Variants in PPP3CA observed in about 807,000 individuals in gnomAD.
PPP3CA encodes the protein CAM-PRP catalytic subunit.
Under a neutral mutation model 66.5 loss-of-function variants are expected in PPP3CA, and 14 were observed. The ratio of observed to expected loss-of-function variants is 0.21; its 90% confidence interval spans 0.14 to 0.33. The LOEUF is 0.33. PPP3CA is among the 10% of genes least tolerant of loss of function. The probability of loss-of-function intolerance (pLI) is 1.00; values close to 1 mark genes in which losing one functional copy is unlikely to be tolerated. For synonymous variants in PPP3CA, 232 were observed against 226.2 expected, an observed-to-expected ratio of 1.03 and a Z score of -0.23; for missense variants, 317 against 639.5, an observed-to-expected ratio of 0.50 and a Z score of 5.44.
chr4:101,107,732 T>G (rs902344452), intron 3 of PPP3CA, among the ~76,000 whole-genome samples: 4 of 152,196 alleles, frequency 2.6e-5, no homozygotes, highest in African/African-American at 4.8e-5. Context: ...AAGGATGACA[T>G]GCTTTTCAAC....
chr4:101,037,665 C>T (rs568603762), intron 11 of PPP3CA, among the ~76,000 whole-genome samples: 4 of 152,054 alleles, frequency 2.6e-5, no homozygotes, highest in South Asian at 4.1e-4. Flanking sequence ...CCAATCTTCA[C>T]GTTGCAATTA....
chr4:101,205,022 C>G lies in PPP3CA; in HGVS notation c.59-8906G>C, dbSNP rs186247297. 4.3e-3 allele frequency among the ~76,000 whole-genome samples: 644 copies of G among 150,656 alleles called. 2 individuals carry two copies. Among genetic ancestry groups the G allele is most frequent in the Non-Finnish European group, 6.4e-3 (433 of 67,762 alleles). On this transcript the variant is annotated intron_variant, in intron 1 of 13. Coordinates refer to ENST00000394854, the MANE Select transcript of PPP3CA (RefSeq NM_000944.5). ...ATATTTTCAGCAAATGATATTTACA[C>G]TAATCCCCAGAATAGCAAACTAAAG...
At chr4:101,324,741 G>A (rs1242989579) in intron 1 of PPP3CA, among the ~76,000 whole-genome samples, 2 of 151,328 alleles carry the variant, frequency 1.3e-5, no homozygotes, top group African/African-American at 4.8e-5. Context: ...ATTCCCTACT[G>A]CCAAGTGAGG....
Position 101,346,903 on chromosome 4 carries a change from G to GCCGCCGCCGCCGC in PPP3CA, c.-108_-107insGCGGCGGCGGCGG. The stretch of plus-strand genomic sequence containing the variant: ...CGCCGCCGCCGCCGCCGCCGCCGCC[G>GCCGCCGCCGCCGC]CGCTGCAAACCGCTCGGCTGGAGGT... On this transcript the variant is annotated 5_prime_UTR_variant, in exon 1 of 14. Coordinates refer to ENST00000394854, the MANE Select transcript of PPP3CA (RefSeq NM_000944.5). The GCCGCCGCCGCCGC allele has an allele frequency of 1.5e-6, 2 of 1,366,768 alleles. No individual in the cohort carries two copies. Among genetic ancestry groups the GCCGCCGCCGCCGC allele is most frequent in the Non-Finnish European group, 1.0e-6 (1 of 987,548 alleles). 84.7% of individuals were successfully genotyped at this position (1,366,768 alleles called of 1,614,324 possible).
intron 2 of PPP3CA, among the ~76,000 whole-genome samples, chr4:101,192,378 C>T (rs1313118584): frequency 1.3e-5 from 2 of 152,088 alleles, no homozygotes; most frequent in East Asian, 3.9e-4. Flanking sequence ...ACTATTCCAG[C>T]CACAAACATG....
At chr4:101,246,272 G>C (rs2110239049) in intron 1 of PPP3CA, among the ~76,000 whole-genome samples, 1 of 152,318 alleles carries the variant, frequency 6.6e-6, no homozygotes, top group South Asian at 2.1e-4. Context: ...TATAGAGTGA[G>C]ATATCAACTA....
chr4:101,152,679 C>T (rs527702082), intron 2 of PPP3CA, among the ~76,000 whole-genome samples: 34 of 152,232 alleles, frequency 2.2e-4, no homozygotes, highest in African/African-American at 3.6e-4. Flanking sequence ...TCCTTATCAA[C>T]CAATCAACCA....
At chr4:101,037,415 G>A (rs185646808) in intron 11 of PPP3CA, among the ~76,000 whole-genome samples, 172 of 152,232 alleles carry the variant, frequency 1.1e-3, no homozygotes, top group African/African-American at 4.0e-3. Flanking sequence ...TTTCCAAAAC[G>A]TAAGAAACAT....
intron 2 of PPP3CA, among the ~76,000 whole-genome samples, chr4:101,186,913 A>T (rs2048072): frequency 0.61 from 92,976 of 152,040 alleles, 29,071 homozygotes; most frequent in African/African-American, 0.72. Context: ...ATAGTAACAG[A>T]TACAGCAATA....
intron 1 of PPP3CA, among the ~76,000 whole-genome samples, chr4:101,237,985 A>G (rs1403529128): frequency 6.6e-6 from 1 of 152,006 alleles, no homozygotes; most frequent in African/African-American, 2.4e-5. Context: ...TACCGCATCA[A>G]AGTTCAACTC....
intron 11 of PPP3CA, among the ~76,000 whole-genome samples, chr4:101,034,726 T>G (rs1161647464): frequency 6.6e-6 from 1 of 152,210 alleles, no homozygotes; most frequent in Non-Finnish European, 1.5e-5. Context: ...AATAATAGGT[T>G]TGAGATAATT....
chr4:101,060,592 T>C (rs903541039), intron 10 of PPP3CA, among the ~76,000 whole-genome samples: 2 of 152,158 alleles, frequency 1.3e-5, no homozygotes. Flanking sequence ...TCACAGTTTA[T>C]TCATTACCTA....
chr4:101,047,624 T>C (rs184266217), intron 10 of PPP3CA, among the ~76,000 whole-genome samples: 2 of 152,210 alleles, frequency 1.3e-5, no homozygotes, highest in Admixed American at 6.5e-5. Flanking sequence ...CTTTAAAATA[T>C]ATACATGTTT....
chr4:101,107,155 C>A (rs1254695092), intron 3 of PPP3CA, among the ~76,000 whole-genome samples: 4 of 152,226 alleles, frequency 2.6e-5, no homozygotes, highest in Non-Finnish European at 4.4e-5. Flanking sequence ...TCCTTCCTAG[C>A]TAAAACTTAC....
chr4:101,160,500 T>G (rs188418094), intron 2 of PPP3CA, among the ~76,000 whole-genome samples: 1 of 152,278 alleles, frequency 6.6e-6, no homozygotes, highest in East Asian at 1.9e-4. Flanking sequence ...TCATGGTAAA[T>G]GCACAGAGTG....
At chr4:101,131,237 A>AAAAT (rs140632196) in intron 2 of PPP3CA, among the ~76,000 whole-genome samples, 22,858 of 138,424 alleles carry the variant, frequency 0.17, 2,116 homozygotes, top group East Asian at 0.26. Flanking sequence ...ACTCCGTCTC[A>AAAAT]AAATAAATAA....
intron 2 of PPP3CA, among the ~76,000 whole-genome samples, chr4:101,124,763 GA>G (rs1415992360): frequency 7.8e-6 from 1 of 127,890 alleles, no homozygotes. Flanking sequence ...AAGAAAGAAA[GA>G]AAGAAAGAAA....
At chr4:101,253,820 G>A (rs1726753100) in intron 1 of PPP3CA, among the ~76,000 whole-genome samples, 1 of 151,960 alleles carries the variant, frequency 6.6e-6, no homozygotes, top group South Asian at 2.1e-4. Flanking sequence ...GAACGAAAGA[G>A]GGGAAGAGGC....
chr4:101,195,091 G>C (rs1724742818), intron 2 of PPP3CA, among the ~76,000 whole-genome samples: 1 of 151,848 alleles, frequency 6.6e-6, no homozygotes, highest in African/African-American at 2.4e-5. Flanking sequence ...TGGCCAACGT[G>C]GTGAAACACC....
Sources: gnomAD v4.1 joint callset for allele counts (sites outside exome capture counted in the v4.1 genomes callset) on GRCh38, gnomAD v4.1.1 for gene constraint, MANE v1.5 for transcripts, NCBI Gene and HGNC (gene_info 2026-07-23, HGNC 2026-07-21) for gene names.